The following DENND1B variants were observed in gnomAD, a reference collection of about 807,000 sequenced individuals.
DENND1B encodes the protein DENN domain containing 1B.
In DENND1B, 59 loss-of-function variants were observed where a neutral mutation model predicts 90.1. The observed-to-expected ratio is 0.65, with a 90% CI of 0.53 to 0.81. The LOEUF is 0.81. Ranked by LOEUF, DENND1B falls within the 40% of genes least tolerant of loss-of-function variation. The pLI is 0.00. For missense variants in DENND1B, 862 were observed against 912.6 expected (o/e 0.94, Z 0.71); for synonymous variants, 337 against 324.6 (o/e 1.04, Z -0.41).
At chr1:197,721,175 T>TTC in intron 2 of DENND1B, among the ~76,000 whole-genome samples, 1 of 148,518 alleles carries the variant, frequency 6.7e-6, no homozygotes, top group Admixed American at 6.9e-5. Flanking sequence ...GTTCATGCCA[T>TTC]TCTCCTGCCT....
intron 13 of DENND1B, chr1:197,606,045 T>C (rs982705529): frequency 6.6e-6 from 1 of 151,124 alleles, no homozygotes; most frequent in Non-Finnish European, 1.5e-5. Context: ...TTAATATCCA[T>C]ATAAAGAATA....
chr1:197,689,382 C>A (rs908827092), intron 3 of DENND1B: 1 of 152,126 alleles, frequency 6.6e-6, no homozygotes. Flanking sequence ...CACCAGGTCC[C>A]TCCCACAACA....
chr1:197,544,529 TCTTA>T (rs1324630001), intron 18 of DENND1B, among the ~76,000 whole-genome samples: 1 of 152,296 alleles, frequency 6.6e-6, no homozygotes, highest in African/African-American at 2.4e-5. Context: ...ACTTTATTAT[TCTTA>T]CTATTATTCC....
chr1:197,700,170 A>C (rs1049055756), intron 3 of DENND1B, among the ~76,000 whole-genome samples: 1 of 152,150 alleles, frequency 6.6e-6, no homozygotes, highest in African/African-American at 2.4e-5. Flanking sequence ...GTAAAACCCT[A>C]AGTAAAAAGA....
intron 20 of DENND1B, 41 bp downstream of exon 20, chr1:197,539,923 T>C: frequency 1.4e-6 from 2 of 1,437,852 alleles, no homozygotes; most frequent in Non-Finnish European, 1.9e-6. Flanking sequence ...ATTATATAAT[T>C]TGAGAATGTG....
At chr1:197,704,183 C>T (rs532776936) in intron 3 of DENND1B, among the ~76,000 whole-genome samples, 26 of 152,190 alleles carry the variant, frequency 1.7e-4, no homozygotes, top group Admixed American at 4.6e-4. Context: ...ATGGGAGGAT[C>T]GCTTCAGTCT....
intron 10 of DENND1B, among the ~76,000 whole-genome samples, chr1:197,623,694 T>C (rs573926047): frequency 1.3e-5 from 2 of 151,594 alleles, no homozygotes; most frequent in East Asian, 3.9e-4. Context: ...ATTATTAACA[T>C]ACCCAACCAC....
chr1:197,570,677 G>C (rs556004514), intron 15 of DENND1B, among the ~76,000 whole-genome samples: 1 of 152,272 alleles, frequency 6.6e-6, no homozygotes, highest in Admixed American at 6.5e-5. Flanking sequence ...TGGTCATAAA[G>C]AGGTTACCTT....
chr1:197,683,013 G>A (rs1656850246), intron 3 of DENND1B, among the ~76,000 whole-genome samples: 1 of 152,092 alleles, frequency 6.6e-6, no homozygotes, highest in Non-Finnish European at 1.5e-5. Flanking sequence ...TACATCAGTG[G>A]AAATCAGCGA....
In DENND1B at chr1:197,540,952, G is replaced by A; in HGVS notation, c.1407+7C>T. 2 of 1,609,792 alleles carry A rather than the reference G, an allele frequency of 1.2e-6. No individual in the cohort carries two copies. Among genetic ancestry groups the A allele is most frequent in the East Asian group, 4.5e-5 (2 of 44,602 alleles). On this transcript the variant is annotated splice_region_variant and intron_variant, in intron 19 of 22. Coordinates refer to ENST00000620048, the MANE Select transcript of DENND1B (RefSeq NM_001195215.2). The stretch of plus-strand genomic sequence containing the variant: ...AGGTAAAATGGAAAAAAATGAATAT[G>A]ACATACCTTGTGTTTTAGTTTACTC...
At chr1:197,613,298 T>C (rs1478685421) in intron 11 of DENND1B, among the ~76,000 whole-genome samples, 2 of 150,826 alleles carry the variant, frequency 1.3e-5, no homozygotes, top group African/African-American at 4.8e-5. Context: ...ATCCAGAATT[T>C]ACAAAATAAG....
intron 15 of DENND1B, among the ~76,000 whole-genome samples, chr1:197,577,312 A>G (rs1026750272): frequency 3.9e-5 from 6 of 152,178 alleles, no homozygotes; most frequent in Admixed American, 3.9e-4. Flanking sequence ...AGAATATACA[A>G]TGTATAAATG....
In DENND1B at chr1:197,761,562, G is replaced by T. The variant is rs538624448; in HGVS notation, c.82+11306C>A. ...TCAAATAACTTATAATTAATTTGAT[G>T]ATAATCTTAAGAAAATAAAAGTCAT... is the stretch of plus-strand genomic sequence containing the variant. On this transcript the variant is annotated intron_variant, in intron 2 of 22. Transcript: ENST00000620048. 1.6e-3 allele frequency among the ~76,000 whole-genome samples: 236 copies of T among 152,124 alleles called. 1 individual carries two copies. The highest frequency in any genetic ancestry group is 0.013 in the South Asian group (65 of 4,816).
intron 15 of DENND1B, among the ~76,000 whole-genome samples, chr1:197,572,425 G>C (rs564764134): frequency 1.2e-4 from 19 of 152,292 alleles, no homozygotes; most frequent in Admixed American, 8.5e-4. Context: ...AGCTCGAACT[G>C]GGCGGAGGCC....
In DENND1B at chr1:197,627,377, C is replaced by T. The variant is rs541502560; in HGVS notation, c.673-9618G>A. ...TGATATGCCAGGCTGGTTCAATACA[C>T]GCAAATCAATAAATGTAATCCAGCA... On this transcript the variant is annotated intron_variant, in intron 10 of 22. Transcript: ENST00000620048. Among the ~76,000 whole-genome samples the T allele has an allele frequency of 9.9e-5, 15 of 152,152 alleles. No homozygotes were observed. In the South Asian group the frequency reaches 1.2e-3, roughly 13 times the overall value.
intron 2 of DENND1B, among the ~76,000 whole-genome samples, chr1:197,732,760 C>G (rs1290222265): frequency 6.6e-6 from 1 of 152,156 alleles, no homozygotes. Context: ...TAAAAGCAGA[C>G]AGATGACACA....
At chr1:197,628,448 G>C (rs1287940493) in intron 10 of DENND1B, among the ~76,000 whole-genome samples, 1 of 152,130 alleles carries the variant, frequency 6.6e-6, no homozygotes, top group Non-Finnish European at 1.5e-5. Flanking sequence ...TTTAATAAAT[G>C]GTGCTGGGAA....
At chr1:197,669,984 T>C (rs1014334099) in intron 5 of DENND1B, among the ~76,000 whole-genome samples, 3 of 152,264 alleles carry the variant, frequency 2.0e-5, no homozygotes, top group African/African-American at 7.2e-5. Flanking sequence ...CTTCTACATA[T>C]ACAAGTTTAG....
intron 10 of DENND1B, among the ~76,000 whole-genome samples, chr1:197,630,674 C>G (rs1679246773): frequency 6.6e-6 from 1 of 152,040 alleles, no homozygotes; most frequent in Non-Finnish European, 1.5e-5. Context: ...CTCTTCCTAG[C>G]CAAATAATTC....
Sources: gnomAD v4.1 joint callset for allele counts (sites outside exome capture counted in the v4.1 genomes callset) on GRCh38, gnomAD v4.1.1 for gene constraint, MANE v1.5 for transcripts, NCBI Gene and HGNC (gene_info 2026-07-23, HGNC 2026-07-21) for gene names.